BRD10: variants seen among roughly 807,000 people sequenced by gnomAD.
BRD10 encodes uncharacterized bromodomain-containing protein 10.
At chr9:5,890,725 C>T in the BRD10 span, 1 of 152,076 alleles carries the variant, frequency 6.6e-6, no homozygotes, top group Non-Finnish European at 1.5e-5. Context: ...AAAACAGAGG[C>T]CACAGTCAGC....
chr9:5,923,539 T>A, the BRD10 span, among the ~76,000 whole-genome samples: 1 of 152,068 alleles, frequency 6.6e-6, no homozygotes, highest in South Asian at 2.1e-4. Context: ...ATTGAGAAAA[T>A]TTTTTTGGTC....
chr9:5,944,908 T>C, the BRD10 span: 2 of 1,546,832 alleles, frequency 1.3e-6, no homozygotes, highest in Non-Finnish European at 1.7e-6. Flanking sequence ...TTTGAGTTCA[T>C]TCTCGATTTT....
the BRD10 span, among the ~76,000 whole-genome samples, chr9:5,911,490 T>C: frequency 6.6e-6 from 1 of 151,372 alleles, no homozygotes; most frequent in Non-Finnish European, 1.5e-5. Context: ...CATAATGTGA[T>C]CCTTCCAGTT....
the BRD10 span, chr9:5,968,268 T>A: frequency 6.2e-7 from 1 of 1,612,584 alleles, no homozygotes; most frequent in Non-Finnish European, 8.5e-7. Flanking sequence ...TTGTGGCAGT[T>A]AATTTCTGGA....
At chr9:5,920,382 T>C in the BRD10 span, 7 of 1,614,002 alleles carry the variant, frequency 4.3e-6, no homozygotes, top group Admixed American at 5.0e-5. Flanking sequence ...TTTTGCTGAA[T>C]ACAAGGTTCA....
the BRD10 span, chr9:5,988,388 C>A: frequency 1.2e-6 from 2 of 1,613,884 alleles, no homozygotes; most frequent in Non-Finnish European, 1.7e-6. Context: ...TGTCTCAAAA[C>A]TTGAACCATT....
At chr9:5,946,992 C>T in the BRD10 span, among the ~76,000 whole-genome samples, 3 of 151,714 alleles carry the variant, frequency 2.0e-5, no homozygotes, top group African/African-American at 7.3e-5. Flanking sequence ...AAGACATATA[C>T]CTCTACAACT....
the BRD10 span, among the ~76,000 whole-genome samples, chr9:5,915,749 A>G: frequency 6.6e-6 from 1 of 152,084 alleles, no homozygotes. Context: ...TTATTTTACT[A>G]TTTTTTGTAT....
the BRD10 span, among the ~76,000 whole-genome samples, chr9:5,944,147 A>G: frequency 2.0e-4 from 31 of 152,162 alleles, no homozygotes; most frequent in Non-Finnish European, 3.5e-4. Context: ...GATTTTCTTC[A>G]GGTTTAAAGC....
At chr9:5,999,414 C>T in the BRD10 span, among the ~76,000 whole-genome samples, 3 of 152,106 alleles carry the variant, frequency 2.0e-5, no homozygotes, top group Non-Finnish European at 2.9e-5. Flanking sequence ...CATAGTCAAA[C>T]GCAATACTTT....
At chr9:5,911,562 G>A in the BRD10 span, among the ~76,000 whole-genome samples, 1 of 148,488 alleles carries the variant, frequency 6.7e-6, no homozygotes, top group Non-Finnish European at 1.5e-5. Flanking sequence ...TTTTGAGACG[G>A]TCTCTCTCTG....
the BRD10 span, chr9:5,988,323 G>A: frequency 1.9e-6 from 3 of 1,570,942 alleles, no homozygotes; most frequent in South Asian, 3.3e-5. Flanking sequence ...CTGAAATTAT[G>A]AATTTTTTTC....
the BRD10 span, chr9:6,007,846 G>A: frequency 3.6e-6 from 5 of 1,381,590 alleles, no homozygotes; most frequent in Non-Finnish European, 4.7e-6. Context: ...TGGGGGACGC[G>A]TGAGCGCGAG....
chr9:5,898,762 C>A, the BRD10 span, among the ~76,000 whole-genome samples: 1 of 152,196 alleles, frequency 6.6e-6, no homozygotes, highest in African/African-American at 2.4e-5. Flanking sequence ...CCCCTTTCCT[C>A]ACTGGTTACC....
At chr9:5,928,279 C>T in the BRD10 span, among the ~76,000 whole-genome samples, 5 of 152,292 alleles carry the variant, frequency 3.3e-5, no homozygotes, top group East Asian at 1.9e-4. Context: ...CAAGCCTCTA[C>T]CATTTTTCTC....
At chr9:5,952,676 T>G in the BRD10 span, among the ~76,000 whole-genome samples, 4 of 152,188 alleles carry the variant, frequency 2.6e-5, no homozygotes, top group Non-Finnish European at 4.4e-5. Flanking sequence ...AAGATGGGTA[T>G]AGAGGAAATA....
chr9:5,910,325 G>A, the BRD10 span: 1 of 152,054 alleles, frequency 6.6e-6, no homozygotes, highest in Non-Finnish European at 1.5e-5. Context: ...AGGGGAAAAA[G>A]AAAACACAGG....
At chr9:5,993,509 AAGG>A in the BRD10 span, among the ~76,000 whole-genome samples, 1 of 152,094 alleles carries the variant, frequency 6.6e-6, no homozygotes, top group South Asian at 2.1e-4. Context: ...AGAAAATAGG[AAGG>A]GATAGTGAAG....
the BRD10 span, among the ~76,000 whole-genome samples, chr9:5,997,726 C>T: frequency 1.3e-5 from 2 of 152,112 alleles, no homozygotes; most frequent in African/African-American, 4.8e-5. Context: ...ACTTCTTCAC[C>T]AAAACAAATT....
Sources: gnomAD v4.1 joint callset for allele counts (sites outside exome capture counted in the v4.1 genomes callset) on GRCh38, gnomAD v4.1.1 for gene constraint, MANE v1.5 for transcripts, NCBI Gene and HGNC (gene_info 2026-07-23, HGNC 2026-07-21) for gene names.